Variants in TMEM239 observed in about 807,000 individuals in gnomAD.
TMEM239 encodes transmembrane protein 239.
A neutral mutation model predicts 14.6 loss-of-function variants in TMEM239; 10 were observed. That is an observed-to-expected ratio of 0.68 (90% CI 0.42 to 1.16). The LOEUF is 1.16. Among genes scored for constraint, TMEM239 ranks in the 50% most tolerant of loss-of-function variants. The pLI, the probability that TMEM239 is intolerant of heterozygous loss-of-function variation, is 0.00. For missense variants in TMEM239, 183 were observed against 194.4 expected (o/e 0.94, Z 0.35); for synonymous variants, 94 against 89.9 (o/e 1.05, Z -0.26).
chr20:2,817,142 C>A lies in TMEM239; in HGVS notation c.*129C>A. On this transcript the variant is annotated 3_prime_UTR_variant, in exon 2 of 2. Transcript: ENST00000380585. The stretch of plus-strand genomic sequence containing the variant: ...CAGGGCCCAGACCCCTAGTCCCTAA[C>A]AGGTAGACTGGCCTGACCCCGGACT... 8.1e-7 allele frequency: 1 copy of A among 1,230,068 alleles called. No homozygotes were observed. Among genetic ancestry groups the A allele is most frequent in the Non-Finnish European group, 1.1e-6 (1 of 899,634 alleles). 76.2% of individuals were successfully genotyped at this position (1,230,068 alleles called of 1,614,324 possible).
Position 2,816,419 on chromosome 20 carries a change from A to G in TMEM239, c.-12+4A>G, listed in dbSNP as rs7352593. On this transcript the variant is annotated splice_donor_region_variant and intron_variant, in intron 1 of 1. Transcript: ENST00000380585. ...TGACTTAGGTAACTGCCCAGAGGTA[A>G]GTCCCAGTCCCTAATTCTGTAGCCC... is the stretch of plus-strand genomic sequence containing the variant. The G allele has an allele frequency of 6.5e-7, 1 of 1,535,920 alleles. No individual in the cohort carries two copies. Among genetic ancestry groups the G allele is most frequent in the South Asian group, 1.2e-5 (1 of 84,060 alleles).
At chr20:2,819,609 G>C (rs956193070), downstream of TMEM239, 1 of 130,790 alleles carries the variant, frequency 7.6e-6, no homozygotes, top group African/African-American at 3.0e-5. Context: ...ACAGAGTCTT[G>C]CTCTGTTGTC....
At chr20:2,816,502 C>A (rs750254767) in intron 1 of TMEM239, 42 bp from the exon 2 acceptor site, 159 of 1,503,868 alleles carry the variant, frequency 1.1e-4, no homozygotes, top group South Asian at 1.9e-4. Flanking sequence ...CCCCCCCCCC[C>A]CAAGGTCCCA....
upstream of TMEM239, chr20:2,815,789 C>A: frequency 6.3e-7 from 1 of 1,595,782 alleles, no homozygotes; most frequent in Non-Finnish European, 8.5e-7. Context: ...CCCCTCCCCA[C>A]AACTCAGTGT....
upstream of TMEM239, chr20:2,815,829 C>T: frequency 6.9e-7 from 1 of 1,455,288 alleles, no homozygotes; most frequent in Non-Finnish European, 9.4e-7. Context: ...CACCCTTCTT[C>T]ATCAGGCCCC....
At position 2,817,069 on chromosome 20, in the gene TMEM239, AC is replaced by A; in HGVS notation, c.*60del. 6.5e-7 allele frequency: 1 copy of A among 1,529,750 alleles called. No individual in the cohort carries two copies. The highest frequency in any genetic ancestry group is 8.8e-7 in the Non-Finnish European group (1 of 1,142,002). 94.8% of individuals were successfully genotyped at this position (1,529,750 alleles called of 1,614,324 possible). ...GTTGAGCCCTGGCCTAGGGCCTGAG[AC>A]CCCACGGGGAGAGGGAGGGCAATGG... On this transcript the variant is annotated 3_prime_UTR_variant, in exon 2 of 2. Transcript: ENST00000380585.
Position 2,817,187 on chromosome 20 carries a change from G to A in TMEM239, c.*174G>A. 5.0e-6 allele frequency: 4 copies of A among 806,172 alleles called. No individual in the cohort carries two copies. In the South Asian group the frequency reaches 5.4e-5, roughly 11 times the overall value. 49.9% of individuals were successfully genotyped at this position (806,172 alleles called of 1,614,324 possible). On this transcript the variant is annotated 3_prime_UTR_variant, in exon 2 of 2. Coordinates refer to ENST00000380585, the MANE Select transcript of TMEM239 (RefSeq NM_001167670.3). The stretch of plus-strand genomic sequence containing the variant: ...CGGACTCCTTCCTCAAGTCAATGCT[G>A]CAGGTTCCTGGTGTGAGGGGCTGGG...
chr20:2,817,342 A>AGATCTAC lies in TMEM239; in HGVS notation c.*329_*330insGATCTAC. 1 of 499,188 alleles carries AGATCTAC rather than the reference A, an allele frequency of 2.0e-6. No homozygotes were observed. The highest frequency in any genetic ancestry group is 3.5e-6 in the Non-Finnish European group (1 of 283,426). 30.9% of individuals were successfully genotyped at this position (499,188 alleles called of 1,614,324 possible). ...ATGATACCCGTGGGGCCCCCTTGGC[A>AGATCTAC]ACTGACAGCATCTTTTTCTCATAGC... On this transcript the variant is annotated 3_prime_UTR_variant, in exon 2 of 2. Coordinates refer to ENST00000380585, the MANE Select transcript of TMEM239 (RefSeq NM_001167670.3).
chr20:2,815,804 C>T (rs2088662224), upstream of TMEM239: 1 of 1,562,510 alleles, frequency 6.4e-7, no homozygotes, highest in African/African-American at 1.3e-5. Flanking sequence ...CAGTGTCCTT[C>T]AAATATACAA....
downstream of TMEM239, chr20:2,819,155 T>C (rs538640535): frequency 6.6e-6 from 1 of 152,340 alleles, no homozygotes; most frequent in South Asian, 2.1e-4. Context: ...CTGGCCTAGA[T>C]CCATCATTGA....
chr20:2,816,499 C>CG (rs2088672426), intron 1 of TMEM239, 45 bp from the exon 2 acceptor site: 1 of 1,531,116 alleles, frequency 6.5e-7, no homozygotes, highest in South Asian at 1.2e-5. Context: ...CTGCCCCCCC[C>CG]CCCCAAGGTC....
At chr20:2,816,247 G>GCCTCACAC, upstream of TMEM239, 2 of 1,205,590 alleles carry the variant, frequency 1.7e-6, no homozygotes, top group Non-Finnish European at 2.4e-6. Context: ...ACTTGGGTGG[G>GCCTCACAC]CCTCACACCC....
At chr20:2,816,343 G>A, upstream of TMEM239, 2 of 1,535,964 alleles carry the variant, frequency 1.3e-6, no homozygotes, top group Non-Finnish European at 1.7e-6. Context: ...AGATGAGAGT[G>A]GGGACTTGGA....
upstream of TMEM239, chr20:2,815,786 C>T (rs982333174): frequency 6.3e-7 from 1 of 1,599,758 alleles, no homozygotes; most frequent in Non-Finnish European, 8.5e-7. Flanking sequence ...GAGCCCCTCC[C>T]CACAACTCAG....
downstream of TMEM239, chr20:2,818,713 C>T (rs1217809831): frequency 6.6e-6 from 1 of 152,276 alleles, no homozygotes; most frequent in East Asian, 1.9e-4. Flanking sequence ...AGTCCCAGCA[C>T]TCTCACTTAC....
downstream of TMEM239, chr20:2,818,632 G>A (rs1017532797): frequency 5.3e-5 from 8 of 152,332 alleles, no homozygotes; most frequent in African/African-American, 1.7e-4. Flanking sequence ...TAGTGAGAGC[G>A]AGGTAGGACA....
In TMEM239 at chr20:2,817,362, C is replaced by T. The variant is rs935202124; in HGVS notation, c.*349C>T. 3.0e-5 allele frequency: 14 copies of T among 474,084 alleles called. No individual in the cohort carries two copies. Among genetic ancestry groups the T allele is most frequent in the East Asian group, 2.6e-4 (8 of 30,194 alleles). 29.4% of individuals were successfully genotyped at this position (474,084 alleles called of 1,614,324 possible). On this transcript the variant is annotated 3_prime_UTR_variant, in exon 2 of 2. Coordinates refer to ENST00000380585, the MANE Select transcript of TMEM239 (RefSeq NM_001167670.3). ...TTGGCAACTGACAGCATCTTTTTCT[C>T]ATAGCCACTCAGCTGTCTCAGCTTC...
intron 1 of TMEM239, 44 bp from the exon 2 acceptor site, chr20:2,816,500 C>CCCCCCCCCCCCG: frequency 6.5e-7 from 1 of 1,526,732 alleles, no homozygotes; most frequent in South Asian, 1.2e-5. Context: ...TGCCCCCCCC[C>CCCCCCCCCCCCG]CCCAAGGTCC....
At chr20:2,816,248 C>T (rs1418374237), upstream of TMEM239, 8 of 1,214,440 alleles carry the variant, frequency 6.6e-6, no homozygotes, top group Non-Finnish European at 9.3e-6. Flanking sequence ...CTTGGGTGGG[C>T]CTCACACCCT....
Sources: allele counts gnomAD v4.1 joint callset, GRCh38; gene constraint gnomAD v4.1.1; transcripts MANE v1.5; gene names NCBI Gene and HGNC (gene_info 2026-07-23, HGNC 2026-07-21).